Variants in SLC10A7 observed in about 807,000 individuals in gnomAD.
The protein encoded by SLC10A7 is sodium/bile acid cotransporter 7.
A neutral mutation model predicts 43.2 loss-of-function variants in SLC10A7; 29 were observed. The observed-to-expected ratio is 0.67, with a 90% CI of 0.50 to 0.92. The LOEUF (loss-of-function observed/expected upper bound fraction) is 0.92, where lower values mean the gene tolerates loss of function less well. SLC10A7 is among the 40% of genes least tolerant of loss of function. The pLI, the probability that SLC10A7 is intolerant of heterozygous loss-of-function variation, is 0.00. For synonymous variants in SLC10A7, 152 were observed against 144.8 expected, an observed-to-expected ratio of 1.05 and a Z score of -0.35; for missense variants, 295 against 403.2, an observed-to-expected ratio of 0.73 and a Z score of 2.30.
At chr4:146,392,545 C>T (rs1402931180) in intron 5 of SLC10A7, among the ~76,000 whole-genome samples, 1 of 152,066 alleles carries the variant, frequency 6.6e-6, no homozygotes, top group African/African-American at 2.4e-5. Context: ...ATACCTATGA[C>T]CTTCAGATTT....
chr4:146,521,337 G>T (rs897598613), intron 1 of SLC10A7, among the ~76,000 whole-genome samples: 1 of 152,108 alleles, frequency 6.6e-6, no homozygotes, highest in African/African-American at 2.4e-5. Context: ...GAAGGCAAGA[G>T]GAGTAAGTTT....
At chr4:146,324,229 G>A (rs902670853) in intron 6 of SLC10A7, among the ~76,000 whole-genome samples, 1 of 152,264 alleles carries the variant, frequency 6.6e-6, no homozygotes, top group African/African-American at 2.4e-5. Flanking sequence ...AATCAATATC[G>A]TGAAAATGGC....
At chr4:146,463,737 T>C (rs1050327323) in intron 4 of SLC10A7, among the ~76,000 whole-genome samples, 11 of 151,770 alleles carry the variant, frequency 7.2e-5, no homozygotes. Context: ...CAAGACCCTG[T>C]CTTAAAAAAA....
In SLC10A7 at chr4:146,350,383, G is replaced by A. The variant is rs1356673437; in HGVS notation, c.436-24387C>T. ...CCACACCTGGCTCAGAGGGTCCTACGCCCACGGAATCTCGCTGATTGCTAG... is the reference window on the plus strand; with the variant it reads ...CCACACCTGGCTCAGAGGGTCCTACACCCACGGAATCTCGCTGATTGCTAG... On this transcript the variant is annotated intron_variant, in intron 5 of 11. Transcript: ENST00000335472. Among the ~76,000 whole-genome samples the A allele has an allele frequency of 1.2e-3, 141 of 117,378 alleles. 1 individual carries two copies. Among genetic ancestry groups the A allele is most frequent in the African/African-American group, 4.0e-3 (123 of 31,002 alleles). The allele number at this position is 117,378 out of a possible 152,430, so 77.0% of individuals were successfully genotyped here.
intron 5 of SLC10A7, among the ~76,000 whole-genome samples, chr4:146,436,175 G>A (rs1049994206): frequency 6.6e-6 from 1 of 152,066 alleles, no homozygotes; most frequent in South Asian, 2.1e-4. Context: ...AATGATCACT[G>A]TGACTAATGC....
Position 146,460,462 on chromosome 4 carries a change from T to A in SLC10A7, c.397-17641A>T, listed in dbSNP as rs574897268. ...TCAAATGGTGAATGAATAAAGAAAT[T>A]ATGGTACATTCATACAATGGAATAT... is the stretch of plus-strand genomic sequence containing the variant. On this transcript the variant is annotated intron_variant, in intron 4 of 11. Coordinates refer to ENST00000335472, the MANE Select transcript of SLC10A7 (RefSeq NM_001029998.6). 4.6e-5 allele frequency among the ~76,000 whole-genome samples: 7 copies of A among 152,050 alleles called. No homozygotes were observed. In the East Asian group the frequency reaches 1.4e-3, roughly 29 times the overall value.
chr4:146,492,647 G>C (rs1735562868), intron 4 of SLC10A7, among the ~76,000 whole-genome samples: 1 of 152,202 alleles, frequency 6.6e-6, no homozygotes, highest in South Asian at 2.1e-4. Flanking sequence ...TGGGATTACA[G>C]GCATGAGCCA....
chr4:146,292,926 T>C lies in SLC10A7; in HGVS notation c.773+3A>G. 1 of 1,583,732 alleles carries C rather than the reference T, an allele frequency of 6.3e-7. No individual in the cohort carries two copies. The highest frequency in any genetic ancestry group is 2.3e-5 in the East Asian group (1 of 44,438). On this transcript the variant is annotated splice_donor_region_variant and intron_variant, in intron 9 of 11. Coordinates refer to ENST00000335472, the MANE Select transcript of SLC10A7 (RefSeq NM_001029998.6). ...TAATAACAAGAGATACCAAATCACT[T>C]ACCTTGTTGAAAAGATGAAAGTTAA... is the stretch of plus-strand genomic sequence containing the variant.
At chr4:146,342,874 A>T (rs1159192695) in intron 5 of SLC10A7, among the ~76,000 whole-genome samples, 1 of 151,810 alleles carries the variant, frequency 6.6e-6, no homozygotes. Flanking sequence ...TATATATTTA[A>T]ATATACATTA....
At chr4:146,392,945 C>T (rs886952866) in intron 5 of SLC10A7, among the ~76,000 whole-genome samples, 1 of 151,984 alleles carries the variant, frequency 6.6e-6, no homozygotes, top group Non-Finnish European at 1.5e-5. Context: ...TCTTTTAGTT[C>T]CTTAAAAACA....
intron 2 of SLC10A7, among the ~76,000 whole-genome samples, chr4:146,513,282 A>G (rs1010078421): frequency 1.3e-5 from 2 of 152,016 alleles, no homozygotes; most frequent in East Asian, 1.9e-4. Flanking sequence ...AATTACATTA[A>G]AAGTATACAA....
At chr4:146,372,150 T>G (rs1387309486) in intron 5 of SLC10A7, among the ~76,000 whole-genome samples, 3 of 152,128 alleles carry the variant, frequency 2.0e-5, no homozygotes, top group African/African-American at 7.2e-5. Flanking sequence ...AGAAAACTGT[T>G]TTTTAGCACA....
intron 6 of SLC10A7, among the ~76,000 whole-genome samples, chr4:146,318,978 C>T (rs1560793406): frequency 6.6e-6 from 1 of 152,066 alleles, no homozygotes; most frequent in Non-Finnish European, 1.5e-5. Context: ...GCCATAATAT[C>T]ATTAGCTTTC....
rs1450991913 is a variant in SLC10A7, at chr4:146,255,727, AG to A, written c.*763del. On this transcript the variant is annotated 3_prime_UTR_variant, in exon 12 of 12. Transcript: ENST00000335472. ...TGGCTGTTATGAGTGTGTAAGTGCAAGACAGAAATTATTGAATAAAGAGGAA... is the reference window on the plus strand; with the variant it reads ...TGGCTGTTATGAGTGTGTAAGTGCAAACAGAAATTATTGAATAAAGAGGAA... 2.0e-5 allele frequency: 3 copies of A among 152,232 alleles called. No individual in the cohort carries two copies. Among genetic ancestry groups the A allele is most frequent in the African/African-American group, 7.2e-5 (3 of 41,458 alleles). The allele number at this position is 152,232 out of a possible 1,614,324, so 9.4% of individuals were successfully genotyped here.
intron 9 of SLC10A7, among the ~76,000 whole-genome samples, chr4:146,288,282 A>G (rs1203528115): frequency 1.3e-5 from 2 of 152,214 alleles, no homozygotes; most frequent in African/African-American, 4.8e-5. Flanking sequence ...ATGCTCACTT[A>G]ACCCTCTCTT....
chr4:146,490,637 C>T (rs758333615), intron 4 of SLC10A7, among the ~76,000 whole-genome samples: 13 of 152,130 alleles, frequency 8.5e-5, no homozygotes, highest in Admixed American at 5.9e-4. Flanking sequence ...TTTGAAGAAT[C>T]GGTAAATGAG....
intron 10 of SLC10A7, among the ~76,000 whole-genome samples, chr4:146,269,125 C>G (rs940865337): frequency 2.0e-5 from 3 of 152,136 alleles, no homozygotes; most frequent in African/African-American, 7.2e-5. Flanking sequence ...AATAAAGATG[C>G]AAGAAAAGAC....
At chr4:146,424,692 C>CA (rs1360201157) in intron 5 of SLC10A7, among the ~76,000 whole-genome samples, 6 of 151,072 alleles carry the variant, frequency 4.0e-5, no homozygotes, top group South Asian at 2.1e-4. Context: ...AAAACAAAAA[C>CA]AAAAAAACAG....
Position 146,293,913 on chromosome 4 carries a change from C to T in SLC10A7, c.721+17G>A, listed in dbSNP as rs753823449. 8.1e-6 allele frequency: 13 copies of T among 1,595,658 alleles called. No individual in the cohort carries two copies. The East Asian group carries it at 1.1e-4, about 14-fold the overall frequency. On this transcript the variant is annotated intron_variant, in intron 8 of 11. Transcript: ENST00000335472. ...GGACACTGAGGGATAGCCAGGCTAT[C>T]CCATTTTCCAACTTACTTATGAACA...
Sources: allele counts gnomAD v4.1 joint callset (sites outside exome capture counted in the v4.1 genomes callset), GRCh38; gene constraint gnomAD v4.1.1; transcripts MANE v1.5; gene names NCBI Gene and HGNC (gene_info 2026-07-23, HGNC 2026-07-21).